NRXN3: variants seen among roughly 807,000 people sequenced by gnomAD.
NRXN3 encodes neurexin 3.
A neutral mutation model predicts 137.6 loss-of-function variants in NRXN3; 32 were observed. The ratio of observed to expected loss-of-function variants is 0.23; its 90% CI spans 0.18 to 0.31. The LOEUF (loss-of-function observed/expected upper bound fraction) is 0.31, where lower values mean the gene tolerates loss of function less well. Ranked by LOEUF, NRXN3 falls within the 10% of genes least tolerant of loss-of-function variation. NRXN3 has a pLI of 1.00. For synonymous variants in NRXN3, 798 were observed against 784.5 expected (o/e 1.02, Z -0.29); for missense variants, 1,574 against 2,062.5 (o/e 0.76, Z 4.59).
At chr14:79,723,043 T>A (rs114470549) in intron 19 of NRXN3, among the ~76,000 whole-genome samples, 2 of 152,078 alleles carry the variant, frequency 1.3e-5, no homozygotes, top group Non-Finnish European at 2.9e-5. Flanking sequence ...TACTACCCAC[T>A]CCATTCTATC....
At chr14:78,236,042 T>G (rs2066252053) in intron 1 of NRXN3, among the ~76,000 whole-genome samples, 1 of 152,222 alleles carries the variant, frequency 6.6e-6, no homozygotes, top group Admixed American at 6.5e-5. Flanking sequence ...ATAATTTTCT[T>G]TAAAACCCTT....
chr14:79,215,643 G>A (rs1006872273), intron 15 of NRXN3, among the ~76,000 whole-genome samples: 1 of 152,122 alleles, frequency 6.6e-6, no homozygotes, highest in Non-Finnish European at 1.5e-5. Context: ...CATGAGAACA[G>A]TATGGGGGAA....
At chr14:78,343,866 C>T (rs1485326737) in intron 4 of NRXN3, among the ~76,000 whole-genome samples, 1 of 152,164 alleles carries the variant, frequency 6.6e-6, no homozygotes, top group Non-Finnish European at 1.5e-5. Context: ...TATAAAGCTC[C>T]CCAGGAGATT....
At chr14:79,772,390 C>T (rs1388016270) in intron 19 of NRXN3, among the ~76,000 whole-genome samples, 1 of 152,096 alleles carries the variant, frequency 6.6e-6, no homozygotes, top group Non-Finnish European at 1.5e-5. Context: ...TACAAGGCTA[C>T]AGTAAGCAAA....
At position 78,550,541 on chromosome 14, in the gene NRXN3, C is replaced by CA. The variant is rs993501959; in HGVS notation, c.758-94569dup. Reference sequence around the variant, plus strand: ...AAGAAAATCTGAGGGATAGTAAAAACAAAAAAAAAATTCATGCCAGAATTT... The same window carrying CA: ...AAGAAAATCTGAGGGATAGTAAAAACAAAAAAAAAAATTCATGCCAGAATTT... On this transcript the variant is annotated intron_variant, in intron 4 of 20. Transcript: ENST00000335750. Among the ~76,000 whole-genome samples, 21 of 19,476 alleles carry CA rather than the reference C, an allele frequency of 1.1e-3. No homozygotes were observed. The East Asian group carries it at 0.011, about 10-fold the overall frequency. The allele number at this position is 19,476 out of a possible 152,430, so 12.8% of individuals were successfully genotyped here.
rs192085499 is a variant in NRXN3 at position 78,963,171 on chromosome 14, T to C, written c.2396-2854T>C. Among the ~76,000 whole-genome samples, 378 of 152,008 alleles carry C rather than the reference T, an allele frequency of 2.5e-3. 11 individuals are homozygous for C. The East Asian group carries it at 0.035, about 14-fold the overall frequency. On this transcript the variant is annotated intron_variant, in intron 11 of 20. Transcript: ENST00000335750. ...TCTCTGCTATCTCAATAAACACTTT[T>C]TTTTTTGCTATGAAAAATTAATTTT...
At chr14:79,111,906 T>C (rs2053597824) in intron 15 of NRXN3, among the ~76,000 whole-genome samples, 1 of 152,108 alleles carries the variant, frequency 6.6e-6, no homozygotes, top group Non-Finnish European at 1.5e-5. Flanking sequence ...ACTAATAAGT[T>C]AATCTATTGT....
At chr14:78,591,423 T>A (rs113732086) in intron 4 of NRXN3, among the ~76,000 whole-genome samples, 81 of 152,224 alleles carry the variant, frequency 5.3e-4, no homozygotes, top group African/African-American at 1.9e-3. Context: ...TTGAGTAGCG[T>A]GGTGTAGTGG....
chr14:79,215,632 C>T (rs907127007), intron 15 of NRXN3, among the ~76,000 whole-genome samples: 3 of 152,110 alleles, frequency 2.0e-5, no homozygotes, highest in African/African-American at 7.2e-5. Flanking sequence ...TTATTCACTA[C>T]CATGAGAACA....
chr14:78,355,619 C>T (rs2084179958), intron 4 of NRXN3, among the ~76,000 whole-genome samples: 2 of 152,122 alleles, frequency 1.3e-5, no homozygotes, highest in Admixed American at 1.3e-4. Flanking sequence ...TGGGTTTTGC[C>T]ATGTTGGCCA....
At chr14:79,034,349 TACACACAC>T (rs56226324) in intron 15 of NRXN3, among the ~76,000 whole-genome samples, 4 of 144,424 alleles carry the variant, frequency 2.8e-5, no homozygotes, top group South Asian at 4.4e-4. Context: ...TCTTATTTCT[TACACACAC>T]ACACACACAC....
chr14:79,651,676 G>A (rs1402964696), intron 16 of NRXN3, among the ~76,000 whole-genome samples: 1 of 152,158 alleles, frequency 6.6e-6, no homozygotes, highest in Non-Finnish European at 1.5e-5. Context: ...TGGAAGGCAC[G>A]TGTGTAAAGT....
At position 78,784,840 on chromosome 14, in the gene NRXN3, A is replaced by G. The variant is rs570197386; in HGVS notation, c.2045-18780A>G. ...AGCCTTGCGTGTTCTCAGAAGATAG[A>G]CTGAGAACATTTTAGACAAAAGGAG... On this transcript the variant is annotated intron_variant, in intron 8 of 20. Coordinates refer to ENST00000335750, the MANE Select transcript of NRXN3 (RefSeq NM_001330195.2). Among the ~76,000 whole-genome samples the G allele has an allele frequency of 4.6e-5, 7 of 152,206 alleles. No individual in the cohort carries two copies. The South Asian group carries it at 1.2e-3, about 27-fold the overall frequency.
intron 19 of NRXN3, among the ~76,000 whole-genome samples, chr14:79,732,127 T>C (rs2098926133): frequency 6.6e-6 from 1 of 152,108 alleles, no homozygotes; most frequent in Non-Finnish European, 1.5e-5. Flanking sequence ...AGTATCCTGG[T>C]AAACTGGATT....
At chr14:79,457,876 G>T (rs2096277194) in intron 15 of NRXN3, among the ~76,000 whole-genome samples, 1 of 152,148 alleles carries the variant, frequency 6.6e-6, no homozygotes, top group African/African-American at 2.4e-5. Flanking sequence ...AAATGTGTAT[G>T]TTCCAAACTT....
Position 79,560,504 on chromosome 14 carries a change from C to CTTTTTTTTTTTTTTTTTTTTTTTTT in NRXN3, c.3444+93126_3444+93127insTTTTTTTTTTTTTTTTTTTTTTTTT, listed in dbSNP as rs34025659. Among the ~76,000 whole-genome samples, 4 of 43,768 alleles carry CTTTTTTTTTTTTTTTTTTTTTTTTT rather than the reference C, an allele frequency of 9.1e-5. 1 individual carries two copies. Among genetic ancestry groups the CTTTTTTTTTTTTTTTTTTTTTTTTT allele is most frequent in the African/African-American group, 3.3e-4 (4 of 12,286 alleles). 28.7% of individuals were successfully genotyped at this position (43,768 alleles called of 152,430 possible). On this transcript the variant is annotated intron_variant, in intron 16 of 20. Coordinates refer to ENST00000335750, the MANE Select transcript of NRXN3 (RefSeq NM_001330195.2). Reference sequence around the variant, plus strand: ...AATTCTACAAGGACAAGATTGTAAGCTTTTTTTTTTTTTTTTTTTTTTTTG... The same window carrying CTTTTTTTTTTTTTTTTTTTTTTTTT: ...AATTCTACAAGGACAAGATTGTAAGCTTTTTTTTTTTTTTTTTTTTTTTTTTTTTTTTTTTTTTTTTTTTTTTTTG...
chr14:79,390,890 A>G (rs543221260), intron 15 of NRXN3, among the ~76,000 whole-genome samples: 3 of 152,254 alleles, frequency 2.0e-5, no homozygotes, highest in Admixed American at 2.0e-4. Context: ...AATTAATGTC[A>G]TTATCACAGG....
chr14:79,232,816 A>G (rs753080178), intron 15 of NRXN3, among the ~76,000 whole-genome samples: 1 of 152,170 alleles, frequency 6.6e-6, no homozygotes, highest in African/African-American at 2.4e-5. Flanking sequence ...CAAGAATCCA[A>G]CTTTCTTCTA....
intron 15 of NRXN3, among the ~76,000 whole-genome samples, chr14:79,189,810 A>T (rs1442486401): frequency 6.6e-6 from 1 of 152,242 alleles, no homozygotes; most frequent in Non-Finnish European, 1.5e-5. Flanking sequence ...ATCTGTATAC[A>T]TATATAACCT....
Sources: allele counts gnomAD v4.1 joint callset (sites outside exome capture counted in the v4.1 genomes callset), GRCh38; gene constraint gnomAD v4.1.1; transcripts MANE v1.5; gene names NCBI Gene and HGNC (gene_info 2026-07-23, HGNC 2026-07-21).